CAPN1: variants seen among roughly 807,000 people sequenced by gnomAD.
CAPN1 encodes calpain 1, also known as calpain-1 catalytic subunit.
In CAPN1, 77 loss-of-function variants were observed where a neutral mutation model predicts 105.2. The ratio of observed to expected loss-of-function variants is 0.73; its 90% CI spans 0.61 to 0.88. CAPN1 has a LOEUF of 0.88. CAPN1 is among the 40% of genes least tolerant of loss of function. The probability of loss-of-function intolerance (pLI) is 0.00; values close to 1 mark genes in which losing one functional copy is unlikely to be tolerated. For missense variants in CAPN1, 833 were observed against 976.6 expected (o/e 0.85, Z 1.96); for synonymous variants, 355 against 388.8 (o/e 0.91, Z 1.02).
chr11:65,211,200 T>A, intron 21 of CAPN1, 60 bp from the exon 22 acceptor site: 1 of 1,595,168 alleles, frequency 6.3e-7, no homozygotes, highest in South Asian at 1.1e-5. Context: ...GGGGTTTGGG[T>A]GGGGAAGAAG....
intron 4 of CAPN1, among the ~76,000 whole-genome samples, chr11:65,183,877 G>C (rs932182496): frequency 6.6e-6 from 1 of 152,116 alleles, no homozygotes; most frequent in South Asian, 2.1e-4. Flanking sequence ...CACTCCTCCC[G>C]GAGGTCGGTC....
At chr11:65,204,432 C>CT (rs754910009) in intron 10 of CAPN1, among the ~76,000 whole-genome samples, 15 of 152,064 alleles carry the variant, frequency 9.9e-5, no homozygotes, top group East Asian at 3.9e-4. Context: ...CTCCTGCTTG[C>CT]TTTTTTTTGC....
At chr11:65,192,333 C>G (rs1223593768) in intron 10 of CAPN1, among the ~76,000 whole-genome samples, 3 of 152,210 alleles carry the variant, frequency 2.0e-5, no homozygotes, top group Non-Finnish European at 4.4e-5. Context: ...TGACGTTTGC[C>G]TGTTATTTTC....
At position 65,204,710 on chromosome 11, in the gene CAPN1, A is replaced by T; in HGVS notation, c.1193A>T (p.Lys398Met). The change falls in exon 11 of 22, where the codon AAG (lysine) becomes ATG (methionine). Residue 398 changes from lysine (K) to methionine (M), a missense_variant. By Grantham distance (95) the Lys-to-Met change is moderately conservative (BLOSUM62 -1). Coordinates refer to ENST00000279247, the MANE Select transcript of CAPN1 (RefSeq NM_005186.4). The part of the protein sequence containing the change: ...PATFWVNPQF[K>M]IRLDETDDPD... ...ACCTTCTGGGTGAACCCTCAGTTCA[A>T]GATCCGGCTGGATGAGACGGATGAC... 6.2e-7 allele frequency: 1 copy of T among 1,612,816 alleles called. No homozygotes were observed. Among genetic ancestry groups the T allele is most frequent in the South Asian group, 1.1e-5 (1 of 91,088 alleles).
intron 12 of CAPN1, 130 bp from the exon 13 acceptor site, chr11:65,206,333 T>C (rs1948956414): frequency 1.4e-6 from 1 of 697,178 alleles, no homozygotes; most frequent in South Asian, 1.7e-5. Context: ...ACACAGGCTG[T>C]GAGTGAGCCA....
Position 65,188,236 on chromosome 11 carries a change from G to A in CAPN1, c.930-178G>A. ...CCCTGTGCCCAGCCGTCGGGTGTGT[G>A]CAGGGCATCAGACTGGCCCTGATGA... On this transcript the variant is annotated intron_variant, in intron 8 of 21. Coordinates refer to ENST00000279247, the MANE Select transcript of CAPN1 (RefSeq NM_005186.4). The surrounding 1 kb of genome is among the most constrained non-coding windows in gnomAD (Gnocchi z 5.5). 1 of 690,946 alleles carries A rather than the reference G, an allele frequency of 1.4e-6. No homozygotes were observed. Among genetic ancestry groups the A allele is most frequent in the Non-Finnish European group, 2.4e-6 (1 of 411,476 alleles). The allele number at this position is 690,946 out of a possible 1,614,324, so 42.8% of individuals were successfully genotyped here.
chr11:65,186,920 G>C (rs1001370981), intron 6 of CAPN1, among the ~76,000 whole-genome samples: 2 of 152,192 alleles, frequency 1.3e-5, no homozygotes, highest in African/African-American at 4.8e-5. Flanking sequence ...GGCTGTGTGT[G>C]TGCACATGCA....
chr11:65,199,321 G>C (rs764797221), intron 10 of CAPN1, among the ~76,000 whole-genome samples: 1 of 151,998 alleles, frequency 6.6e-6, no homozygotes, highest in Non-Finnish European at 1.5e-5. Context: ...TCATTGCTAT[G>C]TGAGCCAGGA....
intron 10 of CAPN1, among the ~76,000 whole-genome samples, chr11:65,195,202 C>T (rs888381089): frequency 2.0e-5 from 3 of 150,780 alleles, no homozygotes; most frequent in Non-Finnish European, 4.4e-5. Flanking sequence ...CTCTGCCTCC[C>T]AGGTTCAAGT....
In CAPN1 at chr11:65,188,695, G is replaced by A. The variant is rs770365183; in HGVS notation, c.1114G>A (p.Glu372Lys). 10 of 1,610,842 alleles carry A rather than the reference G, an allele frequency of 6.2e-6. No homozygotes were observed. The highest frequency in any genetic ancestry group is 4.4e-5 in the South Asian group (4 of 90,540). The change falls in exon 10 of 22, where the codon GAA becomes AAA. Residue 372 changes from glutamate (E) to lysine (K), a missense_variant. Transcript: ENST00000279247. The surrounding 1 kb of genome is among the most constrained non-coding windows in gnomAD (Gnocchi z 5.5). ...TIRKWNTTLY[E>K]GTWRRGSTAG... ...CCGCAAATGGAACACCACACTCTAC[G>A]AAGGCACCTGGCGGCGGGGGAGCAC...
rs111711310 is a variant in CAPN1 at position 65,209,292 on chromosome 11, G to A, written c.1730-31G>A. ...GGGGCAGGTGCAGGAAGCTCACTAG[G>A]TGGAGATGTTGGAATTGGTTTTTCT... is the stretch of plus-strand genomic sequence containing the variant. On this transcript the variant is annotated intron_variant, in intron 16 of 21. Transcript: ENST00000279247. This position sits in a 1 kb window ranked among gnomAD's most constrained non-coding sequence, Gnocchi z 4.1. 1 of 1,601,274 alleles carries A rather than the reference G, an allele frequency of 6.2e-7. No individual in the cohort carries two copies. Among genetic ancestry groups the A allele is most frequent in the South Asian group, 1.1e-5 (1 of 90,156 alleles).
chr11:65,210,139 GTA>G lies in CAPN1; in HGVS notation c.1942+44_1942+45del. On this transcript the variant is annotated intron_variant, in intron 19 of 21. Transcript: ENST00000279247. This position sits in a 1 kb window ranked among gnomAD's most constrained non-coding sequence, Gnocchi z 4.3. ...ACGGCACCTGTGGGGCCCAGGACAG[GTA>G]GCCCCACTGCTCCTATGCCCCAGGC... 1 of 1,502,824 alleles carries G rather than the reference GTA, an allele frequency of 6.7e-7. No homozygotes were observed. Among genetic ancestry groups the G allele is most frequent in the Non-Finnish European group, 9.3e-7 (1 of 1,080,350 alleles). 93.1% of individuals were successfully genotyped at this position (1,502,824 alleles called of 1,614,324 possible).
rs1002328109 is a variant in CAPN1, at chr11:65,188,826, T to C, written c.1165+80T>C. ...GGCACGTCATCTTACTGAGCCTCCG[T>C]TTCCTCACTTGCAAGATATAGGCTG... On this transcript the variant is annotated intron_variant, in intron 10 of 21. Coordinates refer to ENST00000279247, the MANE Select transcript of CAPN1 (RefSeq NM_005186.4). The surrounding 1 kb of genome is among the most constrained non-coding windows in gnomAD (Gnocchi z 5.5). The C allele has an allele frequency of 5.1e-6, 6 of 1,174,710 alleles. No homozygotes were observed. Among genetic ancestry groups the C allele is most frequent in the Non-Finnish European group, 7.2e-6 (6 of 829,304 alleles). 72.8% of individuals were successfully genotyped at this position (1,174,710 alleles called of 1,614,324 possible). A position where few individuals can be genotyped will look rare whatever the true frequency, so the allele number is the denominator to read the frequency against.
chr11:65,204,620 C>T, intron 10 of CAPN1, 63 bp from the exon 11 acceptor site: 6 of 1,473,986 alleles, frequency 4.1e-6, no homozygotes, highest in Non-Finnish European at 4.7e-6. Flanking sequence ...GCTGAGGAGG[C>T]TTGGGGGCCA....
chr11:65,208,320 G>C lies in CAPN1; in HGVS notation c.1729+58G>C. On this transcript the variant is annotated intron_variant, in intron 16 of 21. Transcript: ENST00000279247. The surrounding 1 kb of genome is among the most constrained non-coding windows in gnomAD (Gnocchi z 4.1). ...CCATTTCTTCCACATCAGAATCCAG[G>C]CTCCTGCTCACACATTGAGCTGAAC... The C allele has an allele frequency of 6.8e-7, 1 of 1,472,060 alleles. No individual in the cohort carries two copies. 91.2% of individuals were successfully genotyped at this position (1,472,060 alleles called of 1,614,324 possible).
chr11:65,186,464 A>T (rs1198587268), intron 6 of CAPN1, 126 bp downstream of exon 6: 6 of 826,624 alleles, frequency 7.3e-6, no homozygotes, highest in Non-Finnish European at 1.1e-5. Context: ...TCATCTCTGG[A>T]TGCATACCCT....
chr11:65,189,741 A>G (rs1482589856), intron 10 of CAPN1, among the ~76,000 whole-genome samples: 1 of 152,194 alleles, frequency 6.6e-6, no homozygotes, highest in Non-Finnish European at 1.5e-5. Flanking sequence ...GTGGCAGGAG[A>G]GAAATCACAT....
At chr11:65,206,887 C>A in intron 14 of CAPN1, 68 bp downstream of exon 14, 1 of 1,464,596 alleles carries the variant, frequency 6.8e-7, no homozygotes, top group Non-Finnish European at 9.3e-7. Context: ...TGATGGGGAC[C>A]CAGGTGTCCT....
chr11:65,197,551 T>C (rs1948808599), intron 10 of CAPN1, among the ~76,000 whole-genome samples: 1 of 152,184 alleles, frequency 6.6e-6, no homozygotes, highest in South Asian at 2.1e-4. Context: ...TTTTGTTTTC[T>C]TGTAAACAGC....
Sources: allele counts gnomAD v4.1 joint callset (sites outside exome capture counted in the v4.1 genomes callset), GRCh38; gene constraint gnomAD v4.1.1; non-coding constraint Gnocchi (gnomAD v3.1); transcripts MANE v1.5; gene names NCBI Gene and HGNC (gene_info 2026-07-23, HGNC 2026-07-21).